The following HEATR1 variants were observed in gnomAD, a reference collection of about 807,000 sequenced individuals.
HEATR1 encodes the protein HEAT repeat-containing protein 1.
HEATR1 carries 77 observed loss-of-function variants against 248.2 expected under a neutral mutation model. The observed-to-expected ratio is 0.31, with a 90% CI of 0.26 to 0.37. The LOEUF (loss-of-function observed/expected upper bound fraction) is 0.37, where lower values mean the gene tolerates loss of function less well. Among genes scored for constraint, HEATR1 ranks in the 10% least tolerant of loss-of-function variants. HEATR1 has a pLI of 1.00. For missense variants in HEATR1, 2,420 were observed against 2,504.9 expected (o/e 0.97, Z 0.72); for synonymous variants, 897 against 923.1 (o/e 0.97, Z 0.51).
At chr1:236,551,248 C>T (rs1039298724) in intron 44 of HEATR1, 24 of 461,676 alleles carry the variant, frequency 5.2e-5, no homozygotes, top group African/African-American at 3.7e-4. Context: ...AGGGATGCCA[C>T]CCCTTTAGTA....
At chr1:236,570,445 G>T (rs1008642676) in intron 28 of HEATR1, among the ~76,000 whole-genome samples, 3 of 152,118 alleles carry the variant, frequency 2.0e-5, no homozygotes, top group African/African-American at 4.8e-5. Context: ...GCAGGGTGGT[G>T]GTCATGGTGG....
At position 236,594,947 on chromosome 1, in the gene HEATR1, T is replaced by C. The variant is rs1041194996; in HGVS notation, c.1090+593A>G. On this transcript the variant is annotated intron_variant, in intron 8 of 44. Coordinates refer to ENST00000366582, the MANE Select transcript of HEATR1 (RefSeq NM_018072.6). Reference sequence around the variant, plus strand: ...CCGAGCAGCTGGGACCACAGTTGCATGTCACCATGCCCGGTTAATTTTTGT... The same window carrying C: ...CCGAGCAGCTGGGACCACAGTTGCACGTCACCATGCCCGGTTAATTTTTGT... 3.3e-5 allele frequency among the ~76,000 whole-genome samples: 5 copies of C among 152,264 alleles called. No individual in the cohort carries two copies. In the Middle Eastern group the frequency reaches 0.01, roughly 311 times the overall value.
At chr1:236,594,495 C>T (rs1664122819) in intron 8 of HEATR1, among the ~76,000 whole-genome samples, 1 of 152,188 alleles carries the variant, frequency 6.6e-6, no homozygotes, top group Non-Finnish European at 1.5e-5. Context: ...CTTACTGAAC[C>T]AAAAGCTGTC....
chr1:236,551,221 CA>C, intron 44 of HEATR1: 1 of 496,500 alleles, frequency 2.0e-6, no homozygotes, highest in Non-Finnish European at 3.5e-6. Flanking sequence ...TAAGAATCCC[CA>C]AAACTCAAAC....
At position 236,550,112 on chromosome 1, in the gene HEATR1, G is replaced by A. The variant is rs1662656591; in HGVS notation, c.*790C>T. The A allele has an allele frequency of 6.6e-6, 1 of 152,086 alleles. No individual in the cohort carries two copies. 9.4% of individuals were successfully genotyped at this position (152,086 alleles called of 1,614,324 possible). ...GTACTAGAGATTAGGGCACTTCAAA[G>A]CATTGAAAAAAATCTACTGATACTT... is the stretch of plus-strand genomic sequence containing the variant. On this transcript the variant is annotated 3_prime_UTR_variant, in exon 45 of 45. Transcript: ENST00000366582.
At chr1:236,589,696 G>C (rs1422356757) in intron 12 of HEATR1, among the ~76,000 whole-genome samples, 2 of 152,160 alleles carry the variant, frequency 1.3e-5, no homozygotes, top group South Asian at 2.1e-4. Flanking sequence ...ACTGCCATGT[G>C]CTACAAGGAA....
At chr1:236,598,968 T>C (rs1316268005) in intron 4 of HEATR1, among the ~76,000 whole-genome samples, 2 of 152,224 alleles carry the variant, frequency 1.3e-5, no homozygotes, top group Non-Finnish European at 2.9e-5. Context: ...AAGCATCCTT[T>C]TCTTAGTCTG....
chr1:236,559,858 C>T (rs1177621475), intron 33 of HEATR1, 21 bp from the exon 34 acceptor site: 1 of 1,581,752 alleles, frequency 6.3e-7, no homozygotes, highest in South Asian at 1.1e-5. Flanking sequence ...GAGGCTCGCT[C>T]AGCAAACGGC....
intron 30 of HEATR1, among the ~76,000 whole-genome samples, chr1:236,566,284 C>T (rs750334510): frequency 1.3e-5 from 2 of 152,158 alleles, no homozygotes; most frequent in East Asian, 1.9e-4. Context: ...TTCAGGGACA[C>T]GGACGCTCCT....
rs1056443114 is a variant in HEATR1 at position 236,603,984 on chromosome 1, T to C, written c.112A>G (p.Thr38Ala). 5.6e-6 allele frequency: 9 copies of C among 1,599,468 alleles called. 1 individual carries two copies. The Middle Eastern group carries it at 8.3e-4, about 147-fold the overall frequency. Reference sequence around the variant, plus strand: ...GCGAAGGCGGTGTCCCTGTCGATTGTGGCCGCTTCCTTAGGGTCAAATAAC... The same window carrying C: ...GCGAAGGCGGTGTCCCTGTCGATTGCGGCCGCTTCCTTAGGGTCAAATAAC... Reference protein sequence around the residue: ...SLLFDPKEAATIDRDTAFAIG... With the variant: ...SLLFDPKEAAAIDRDTAFAIG... The change falls in exon 2 of 45, where the codon ACA becomes GCA. Residue 38 changes from threonine to alanine, a missense_variant. By Grantham distance (58) the Thr-to-Ala change is moderately conservative (BLOSUM62 0). Transcript: ENST00000366582.
At chr1:236,594,687 A>AT in intron 8 of HEATR1, among the ~76,000 whole-genome samples, 1 of 152,378 alleles carries the variant, frequency 6.6e-6, no homozygotes, top group Admixed American at 6.5e-5. Flanking sequence ...GTAGACTGAC[A>AT]TAAGTTTAGA....
At chr1:236,602,769 CAA>C (rs1558194764) in intron 3 of HEATR1, 1 of 177,602 alleles carries the variant, frequency 5.6e-6, no homozygotes, top group Non-Finnish European at 1.2e-5. Flanking sequence ...TACAAAAACA[CAA>C]AACTCATCCA....
Position 236,556,116 on chromosome 1 carries a change from A to G in HEATR1, c.5498T>C (p.Ile1833Thr). 6.2e-7 allele frequency: 1 copy of G among 1,614,122 alleles called. No individual in the cohort carries two copies. The highest frequency in any genetic ancestry group is 8.5e-7 in the Non-Finnish European group (1 of 1,180,034). The change falls in exon 38 of 45, where the codon ATT becomes ACT. Residue 1833 changes from isoleucine to threonine, a missense_variant. By Grantham distance (89) the Ile-to-Thr change is moderately conservative. Transcript: ENST00000366582. ...AGATCTAACCTTCCAGTTCTTCTCA[A>G]TCTGCTTGTAAGTTTTTTTGATGGC... is the stretch of plus-strand genomic sequence containing the variant. ...LPAIKKTYKQ[I>T]EKNWKNHMGP...
At chr1:236,599,098 T>C (rs974332228) in intron 4 of HEATR1, among the ~76,000 whole-genome samples, 2 of 152,226 alleles carry the variant, frequency 1.3e-5, no homozygotes, top group Non-Finnish European at 2.9e-5. Flanking sequence ...AACTTTTTTT[T>C]AAGTTCTCAG....
chr1:236,550,640 T>G lies in HEATR1; in HGVS notation c.*262A>C, dbSNP rs773839999. On this transcript the variant is annotated 3_prime_UTR_variant, in exon 45 of 45. Coordinates refer to ENST00000366582, the MANE Select transcript of HEATR1 (RefSeq NM_018072.6). Reference sequence around the variant, plus strand: ...TTACCATCAATCAGGAAGAGAATAATAAATGTTTAAACAAACACAGCAGTC... The same window carrying G: ...TTACCATCAATCAGGAAGAGAATAAGAAATGTTTAAACAAACACAGCAGTC... 2 of 394,152 alleles carry G rather than the reference T, an allele frequency of 5.1e-6. No individual in the cohort carries two copies. Among genetic ancestry groups the G allele is most frequent in the Non-Finnish European group, 9.0e-6 (2 of 221,676 alleles). 24.4% of individuals were successfully genotyped at this position (394,152 alleles called of 1,614,324 possible).
rs1038388563 is a variant in HEATR1, at chr1:236,560,008, C to G, written c.4647-171G>C. On this transcript the variant is annotated intron_variant, in intron 33 of 44. Coordinates refer to ENST00000366582, the MANE Select transcript of HEATR1 (RefSeq NM_018072.6). ...GGAAATGAGGGATTATTGCCATAGA[C>G]AGAGATCATCAAGAAGTAACTAGGC... is the stretch of plus-strand genomic sequence containing the variant. Among the ~76,000 whole-genome samples, 97 of 147,186 alleles carry G rather than the reference C, an allele frequency of 6.6e-4. 1 individual carries two copies. The highest frequency in any genetic ancestry group is 6.7e-4 in the Non-Finnish European group (45 of 67,558).
chr1:236,589,253 C>T (rs1438291378), intron 12 of HEATR1, among the ~76,000 whole-genome samples: 1 of 152,164 alleles, frequency 6.6e-6, no homozygotes, highest in Non-Finnish European at 1.5e-5. Flanking sequence ...CACTGAAATC[C>T]TCCTATCACA....
chr1:236,600,118 A>ATTTTT lies in HEATR1; in HGVS notation c.360-499_360-495dup, dbSNP rs67344658. 6.6e-4 allele frequency among the ~76,000 whole-genome samples: 33 copies of ATTTTT among 50,320 alleles called. 4 individuals carry two copies. The highest frequency in any genetic ancestry group is 1.6e-3 in the African/African-American group (20 of 12,590). 33.0% of individuals were successfully genotyped at this position (50,320 alleles called of 152,430 possible). ...GTGTTGCCCAGGCTGGTCTGTCAAC[A>ATTTTT]TTTTTTTTTTTTTTTTTTTTTTTTT... On this transcript the variant is annotated intron_variant, in intron 3 of 44. Transcript: ENST00000366582.
Position 236,550,791 on chromosome 1 carries a change from C to T in HEATR1, c.*111G>A. 1.3e-6 allele frequency: 1 copy of T among 759,016 alleles called. No homozygotes were observed. Among genetic ancestry groups the T allele is most frequent in the Non-Finnish European group, 2.1e-6 (1 of 465,768 alleles). 47.0% of individuals were successfully genotyped at this position (759,016 alleles called of 1,614,324 possible). A position where few individuals can be genotyped will look rare whatever the true frequency, so the allele number is the denominator to read the frequency against. On this transcript the variant is annotated 3_prime_UTR_variant, in exon 45 of 45. Coordinates refer to ENST00000366582, the MANE Select transcript of HEATR1 (RefSeq NM_018072.6). ...AAGTGATAAAACATTTGTAAGTAATCCAAGTAGGTGTATTAAGGCACCAAA... is the reference window on the plus strand; with the variant it reads ...AAGTGATAAAACATTTGTAAGTAATTCAAGTAGGTGTATTAAGGCACCAAA...
Sources: allele counts gnomAD v4.1 joint callset (sites outside exome capture counted in the v4.1 genomes callset), GRCh38; gene constraint gnomAD v4.1.1; transcripts MANE v1.5; gene names NCBI Gene and HGNC (gene_info 2026-07-23, HGNC 2026-07-21).